The following EHMT1 variants were observed in gnomAD, a reference collection of about 807,000 sequenced individuals.
EHMT1 encodes the protein histone-lysine N-methyltransferase EHMT1.
EHMT1 carries 15 observed loss-of-function variants against 147.2 expected under a neutral mutation model. The observed-to-expected ratio is 0.10, with a 90% CI of 0.07 to 0.16. The LOEUF is 0.16. Ranked by LOEUF, EHMT1 falls within the 10% of genes least tolerant of loss-of-function variation. The probability of loss-of-function intolerance (pLI) is 1.00; values close to 1 mark genes in which losing one functional copy is unlikely to be tolerated. For synonymous variants in EHMT1, 795 were observed against 709.6 expected, an observed-to-expected ratio of 1.12 and a Z score of -1.91; for missense variants, 1,587 against 1,772.4, an observed-to-expected ratio of 0.90 and a Z score of 1.88.
intron 15 of EHMT1, chr9:137,784,044 T>C: frequency 1.3e-6 from 1 of 781,502 alleles, no homozygotes; most frequent in Non-Finnish European, 2.1e-6. Flanking sequence ...CCATTTTCTC[T>C]AGCTATAAGA....
At chr9:137,636,079 G>A (rs947088049) in intron 1 of EHMT1, among the ~76,000 whole-genome samples, 1 of 151,470 alleles carries the variant, frequency 6.6e-6, no homozygotes, top group East Asian at 2.0e-4. Context: ...ATGCCACCAC[G>A]CCTTGCTAAT....
At chr9:137,691,696 A>G (rs1314870676) in intron 1 of EHMT1, among the ~76,000 whole-genome samples, 1 of 152,238 alleles carries the variant, frequency 6.6e-6, no homozygotes, top group Non-Finnish European at 1.5e-5. Context: ...TCCCATAGCA[A>G]CCGCACCATT....
chr9:137,760,312 C>T (rs925895608), intron 9 of EHMT1, among the ~76,000 whole-genome samples: 4 of 152,204 alleles, frequency 2.6e-5, no homozygotes, highest in Non-Finnish European at 5.9e-5. Flanking sequence ...TATCTCACTG[C>T]AGCCTCTTGG....
intron 13 of EHMT1, 127 bp from the exon 14 acceptor site, chr9:137,779,508 T>C: frequency 1.0e-6 from 1 of 963,262 alleles, no homozygotes; most frequent in Admixed American, 2.0e-5. Context: ...TTCAGCTTCA[T>C]GTGTGGGACG....
intron 7 of EHMT1, among the ~76,000 whole-genome samples, chr9:137,753,440 G>T (rs1177709913): frequency 6.6e-6 from 1 of 152,224 alleles, no homozygotes; most frequent in African/African-American, 2.4e-5. Flanking sequence ...GGGAGCCGGG[G>T]CTGTGTGTGC....
rs1292725669 is a variant in EHMT1 at position 137,717,088 on chromosome 9, G to T, written c.548G>T (p.Ser183Ile). ...CCACCAGCCACCCTTGGGGAGGGGA[G>T]TGCTGACACAGAGGACAGGAAGCTC... ...AAPPATLGEG[S>I]ADTEDRKLPA... The change falls in exon 3 of 27, where the codon AGT (serine) becomes ATT (isoleucine). Residue 183 changes from serine (S) to isoleucine (I), a missense_variant. Coordinates refer to ENST00000460843, the MANE Select transcript of EHMT1 (RefSeq NM_024757.5). 2 of 1,611,910 alleles carry T rather than the reference G, an allele frequency of 1.2e-6. No homozygotes were observed. Among genetic ancestry groups the T allele is most frequent in the Non-Finnish European group, 1.7e-6 (2 of 1,179,366 alleles).
intron 1 of EHMT1, among the ~76,000 whole-genome samples, chr9:137,663,251 A>T (rs914253030): frequency 3.9e-5 from 6 of 152,204 alleles, no homozygotes; most frequent in Admixed American, 2.0e-4. Context: ...CTTTGAAGCT[A>T]CAGCCTATGG....
At chr9:137,683,450 A>G (rs927961949) in intron 1 of EHMT1, among the ~76,000 whole-genome samples, 1 of 152,208 alleles carries the variant, frequency 6.6e-6, no homozygotes, top group Admixed American at 6.5e-5. Context: ...GAATATGTGA[A>G]TTAATTAATA....
Position 137,802,898 on chromosome 9 carries a change from GGAAGA to G in EHMT1, c.2712+1921_2712+1925del, listed in dbSNP as rs1479912601. On this transcript the variant is annotated intron_variant, in intron 18 of 26. Coordinates refer to ENST00000460843, the MANE Select transcript of EHMT1 (RefSeq NM_024757.5). ...AGAGAGGAGCCCTGAGCCGGCAGAA[GGAAGA>G]GAAGAGGGAAGCAGAGGAGCCCTGA... 3 of 1,232,466 alleles carry G rather than the reference GGAAGA, an allele frequency of 2.4e-6. No homozygotes were observed. In the Middle Eastern group the frequency reaches 9.3e-4, roughly 384 times the overall value. The allele number at this position is 1,232,466 out of a possible 1,614,324, so 76.3% of individuals were successfully genotyped here.
chr9:137,818,373 T>C (rs1456941157), intron 25 of EHMT1, among the ~76,000 whole-genome samples: 3 of 152,138 alleles, frequency 2.0e-5, no homozygotes, highest in Non-Finnish European at 4.4e-5. Flanking sequence ...CAACTGCCCC[T>C]TTCTTGTGAG....
intron 17 of EHMT1, among the ~76,000 whole-genome samples, chr9:137,799,728 A>G (rs1953287119): frequency 6.6e-6 from 1 of 152,184 alleles, no homozygotes; most frequent in Non-Finnish European, 1.5e-5. Flanking sequence ...CCAGTTGTTG[A>G]CGCCCAGCTT....
intron 6 of EHMT1, among the ~76,000 whole-genome samples, chr9:137,751,545 C>G (rs899796558): frequency 6.6e-6 from 1 of 152,176 alleles, no homozygotes; most frequent in East Asian, 1.9e-4. Flanking sequence ...AGCCCCATGC[C>G]GCCTTAGGGA....
rs147418149 is a variant in EHMT1, at chr9:137,738,208, C to CA, written c.824-5153dup. 2.8e-3 allele frequency among the ~76,000 whole-genome samples: 390 copies of CA among 139,578 alleles called. 1 individual carries two copies. Among genetic ancestry groups the CA allele is most frequent in the East Asian group, 5.6e-3 (27 of 4,846 alleles). The allele number at this position is 139,578 out of a possible 152,430, so 91.6% of individuals were successfully genotyped here. Reference sequence around the variant, plus strand: ...GACTCTGTCTCAAAAAAAACAACAACAAAAAAAAAACAACAAAAAAAACCC... The same window carrying CA: ...GACTCTGTCTCAAAAAAAACAACAACAAAAAAAAAAACAACAAAAAAAACCC... On this transcript the variant is annotated intron_variant, in intron 4 of 26. Coordinates refer to ENST00000460843, the MANE Select transcript of EHMT1 (RefSeq NM_024757.5).
intron 4 of EHMT1, among the ~76,000 whole-genome samples, chr9:137,741,327 A>G (rs1588467738): frequency 6.6e-6 from 1 of 151,066 alleles, no homozygotes; most frequent in Admixed American, 6.6e-5. Context: ...CTTTGTCCTC[A>G]CTCAGCCATT....
intron 4 of EHMT1, among the ~76,000 whole-genome samples, chr9:137,738,032 A>G (rs1203777656): frequency 1.3e-5 from 2 of 152,132 alleles, no homozygotes. Context: ...CATCTCTACT[A>G]CAAATACAAA....
At chr9:137,718,157 G>A (rs867559367) in intron 3 of EHMT1, among the ~76,000 whole-genome samples, 13 of 148,206 alleles carry the variant, frequency 8.8e-5, no homozygotes, top group Non-Finnish European at 1.8e-4. Flanking sequence ...CACACGCACC[G>A]TGCTGATTTT....
chr9:137,741,160 TAG>T, intron 4 of EHMT1, among the ~76,000 whole-genome samples: 1 of 152,164 alleles, frequency 6.6e-6, no homozygotes, highest in East Asian at 1.9e-4. Flanking sequence ...ATATTTTTAG[TAG>T]AGACGGGGTT....
rs187339534 is a variant in EHMT1 at position 137,828,210 on chromosome 9, C to T, written c.3541-6139C>T. Among the ~76,000 whole-genome samples, 179 of 152,160 alleles carry T rather than the reference C, an allele frequency of 1.2e-3. 1 individual carries two copies. The highest frequency in any genetic ancestry group is 3.5e-3 in the African/African-American group (146 of 41,528). On this transcript the variant is annotated intron_variant, in intron 25 of 26. Coordinates refer to ENST00000460843, the MANE Select transcript of EHMT1 (RefSeq NM_024757.5). The surrounding 1 kb of genome is among the most constrained non-coding windows in gnomAD (Gnocchi z 5.3). The stretch of plus-strand genomic sequence containing the variant: ...GTGCTGGCGGGCATCAGGGAAGTCC[C>T]GGTGACAAGGGGCATCAGCAGGGGT...
chr9:137,640,879 T>C (rs1844436410), intron 1 of EHMT1: 1 of 154,426 alleles, frequency 6.5e-6, no homozygotes, highest in Non-Finnish European at 1.4e-5. Flanking sequence ...AGATCCACGG[T>C]GTAGACAAAA....
Sources: allele counts gnomAD v4.1 joint callset (sites outside exome capture counted in the v4.1 genomes callset), GRCh38; gene constraint gnomAD v4.1.1; non-coding constraint Gnocchi (gnomAD v3.1); transcripts MANE v1.5; gene names NCBI Gene and HGNC (gene_info 2026-07-23, HGNC 2026-07-21).